The following RTTN variants were observed in gnomAD, a reference collection of about 807,000 sequenced individuals.
The protein encoded by RTTN is rotatin.
A neutral mutation model predicts 269.2 loss-of-function variants in RTTN; 182 were observed. The observed-to-expected ratio is 0.68, with a 90% CI of 0.60 to 0.76. The LOEUF (loss-of-function observed/expected upper bound fraction) is 0.76, where lower values mean the gene tolerates loss of function less well. RTTN is among the 30% of genes least tolerant of loss of function. The probability of loss-of-function intolerance (pLI) is 0.00; values close to 1 mark genes in which losing one functional copy is unlikely to be tolerated. For synonymous variants in RTTN, 1,006 were observed against 963.5 expected, an observed-to-expected ratio of 1.04 and a Z score of -0.82; for missense variants, 2,545 against 2,608.6, an observed-to-expected ratio of 0.98 and a Z score of 0.53.
At chr18:70,053,055 A>C (rs1306258365) in intron 38 of RTTN, among the ~76,000 whole-genome samples, 1 of 152,220 alleles carries the variant, frequency 6.6e-6, no homozygotes, top group Non-Finnish European at 1.5e-5. Context: ...ACCTTTTGCT[A>C]TATGACCTTG....
intron 29 of RTTN, 149 bp from the exon 30 acceptor site, chr18:70,092,369 C>A: frequency 1.5e-6 from 1 of 654,604 alleles, no homozygotes. Context: ...AAAAGGCAAA[C>A]AAAAAAATTT....
At chr18:70,192,644 T>G (rs1024861993) in intron 8 of RTTN, among the ~76,000 whole-genome samples, 6 of 127,990 alleles carry the variant, frequency 4.7e-5, no homozygotes, top group African/African-American at 1.8e-4. Flanking sequence ...CACTCCAGCC[T>G]AGGCAAGAGA....
At position 70,109,504 on chromosome 18, in the gene RTTN, G is replaced by A. The variant is rs1432719194; in HGVS notation, c.3897C>T (p.Leu1299=). 2 of 1,613,410 alleles carry A rather than the reference G, an allele frequency of 1.2e-6. No homozygotes were observed. Among genetic ancestry groups the A allele is most frequent in the South Asian group, 1.1e-5 (1 of 91,036 alleles). Residue 1299 remains leucine (L), a synonymous_variant, in exon 28 of 49, where the codon CTC becomes CTT. Coordinates refer to ENST00000640769, the MANE Select transcript of RTTN (RefSeq NM_173630.4). ...LDICVKYLSG[L]LEVITSFYVE... is the part of the protein sequence containing the mutation. The stretch of plus-strand genomic sequence containing the variant: ...ATATGCTATTTTTACTTACCTCAAG[G>A]AGACCTGACAAGTACTTCACACAGA...
intron 36 of RTTN, among the ~76,000 whole-genome samples, chr18:70,058,321 A>C (rs1195745992): frequency 6.6e-6 from 1 of 152,186 alleles, no homozygotes; most frequent in Non-Finnish European, 1.5e-5. Context: ...GTTCAAGACC[A>C]GCCTGGTGAA....
chr18:70,011,966 G>A (rs35646956), intron 46 of RTTN, among the ~76,000 whole-genome samples: 11 of 149,742 alleles, frequency 7.3e-5, no homozygotes, highest in South Asian at 2.1e-4. Flanking sequence ...ACAGGGCAGC[G>A]TCTGCTCACT....
chr18:70,012,524 T>C (rs1396979345), intron 46 of RTTN, among the ~76,000 whole-genome samples: 1 of 151,096 alleles, frequency 6.6e-6, no homozygotes, highest in African/African-American at 2.4e-5. Context: ...CAGGGCAGCG[T>C]CTGCTCACTG....
chr18:70,192,620 T>C (rs2061698930), intron 8 of RTTN, among the ~76,000 whole-genome samples: 2 of 138,184 alleles, frequency 1.4e-5, no homozygotes, highest in African/African-American at 2.7e-5. Context: ...GTCAAGGCTA[T>C]AATCGTGCCA....
Position 70,188,141 on chromosome 18 carries a change from G to C in RTTN, c.1272C>G (p.Ile424Met), listed in dbSNP as rs767247880. The change falls in exon 10 of 49, where the codon ATC (isoleucine) becomes ATG (methionine). Residue 424 changes from isoleucine to methionine, a missense_variant. Transcript: ENST00000640769. ...TACCAAAAAGGCTGCTGTCATCCCA[G>C]ATATCTGTTGAAATTGCTTCACCAA... is the stretch of plus-strand genomic sequence containing the variant. The part of the protein sequence containing the change: ...TLIGEAISTD[I>M]WDDSSLFGID... The C allele has an allele frequency of 3.5e-5, 57 of 1,608,516 alleles. No homozygotes were observed. Among genetic ancestry groups the C allele is most frequent in the Non-Finnish European group, 4.6e-5 (54 of 1,175,336 alleles).
At chr18:70,018,136 G>GT in intron 45 of RTTN, among the ~76,000 whole-genome samples, 1 of 152,152 alleles carries the variant, frequency 6.6e-6, no homozygotes, top group Non-Finnish European at 1.5e-5. Context: ...TGTTGTTGTT[G>GT]TTTTTATCAA....
intron 30 of RTTN, among the ~76,000 whole-genome samples, chr18:70,088,971 C>T (rs572587770): frequency 3.9e-5 from 6 of 152,240 alleles, no homozygotes; most frequent in Admixed American, 3.9e-4. Flanking sequence ...TTATATGACA[C>T]TTAAGTGTTG....
At chr18:70,101,319 C>T (rs1367095205) in intron 28 of RTTN, among the ~76,000 whole-genome samples, 1 of 152,144 alleles carries the variant, frequency 6.6e-6, no homozygotes, top group Admixed American at 6.5e-5. Context: ...GTGTATGTGT[C>T]CAGAAATTTA....
chr18:70,049,615 T>C (rs931392696), intron 39 of RTTN, among the ~76,000 whole-genome samples: 8 of 152,176 alleles, frequency 5.3e-5, no homozygotes, highest in African/African-American at 1.7e-4. Context: ...TCAGTTGAAT[T>C]AGCAGGTACT....
intron 26 of RTTN, among the ~76,000 whole-genome samples, chr18:70,115,631 T>C (rs11151566): frequency 0.73 from 110,242 of 151,874 alleles, 46,733 homozygotes; most frequent in East Asian, 1. Context: ...GGTTAAATAA[T>C]TGTCTAAGTC....
chr18:70,026,159 C>G (rs1020571727), intron 43 of RTTN, among the ~76,000 whole-genome samples: 1 of 152,144 alleles, frequency 6.6e-6, no homozygotes, highest in African/African-American at 2.4e-5. Context: ...CTATTGAGGC[C>G]GCTTCTACTT....
At position 70,139,666 on chromosome 18, in the gene RTTN, T is replaced by A. The variant is rs1370145179; in HGVS notation, c.2721A>T (p.Leu907Phe). 1 of 1,613,466 alleles carries A rather than the reference T, an allele frequency of 6.2e-7. No homozygotes were observed. The highest frequency in any genetic ancestry group is 8.5e-7 in the Non-Finnish European group (1 of 1,179,638). Residue 907 changes from leucine to phenylalanine, a missense_variant, in exon 21 of 49, where the codon TTA (leucine) becomes TTT (phenylalanine). Transcript: ENST00000640769. Reference sequence around the variant, plus strand: ...AAACACGCATGACTGGATCACCACATAAAACCTTCCTCAAGAGTGTGAGGC... The same window carrying A: ...AAACACGCATGACTGGATCACCACAAAAAACCTTCCTCAAGAGTGTGAGGC... Reference protein sequence around the residue: ...QPCLTLLRKVLCGDPVMRVSL... With the variant: ...QPCLTLLRKVFCGDPVMRVSL...
chr18:70,154,935 C>T (rs1205072119), intron 14 of RTTN, among the ~76,000 whole-genome samples: 3 of 152,126 alleles, frequency 2.0e-5, no homozygotes, highest in Non-Finnish European at 4.4e-5. Context: ...CAAATATCTA[C>T]TCATATTAGT....
chr18:70,121,793 G>A, intron 25 of RTTN, 93 bp from the exon 26 acceptor site: 3 of 1,188,086 alleles, frequency 2.5e-6, no homozygotes, highest in Middle Eastern at 2.4e-4. Flanking sequence ...CAGATGTCTT[G>A]TGAGGATGCT....
At chr18:70,122,706 G>T (rs564556615) in intron 25 of RTTN, among the ~76,000 whole-genome samples, 79 of 152,228 alleles carry the variant, frequency 5.2e-4, no homozygotes, top group Non-Finnish European at 1.0e-3. Context: ...TAGTAATGTG[G>T]TGTTTGTCTC....
At chr18:70,056,913 T>C (rs1256797248) in intron 37 of RTTN, among the ~76,000 whole-genome samples, 1 of 152,194 alleles carries the variant, frequency 6.6e-6, no homozygotes, top group Non-Finnish European at 1.5e-5. Context: ...TTTGTTTTAT[T>C]CACTTGGAGA....
Sources: gnomAD v4.1 joint callset for allele counts (sites outside exome capture counted in the v4.1 genomes callset) on GRCh38, gnomAD v4.1.1 for gene constraint, MANE v1.5 for transcripts, NCBI Gene and HGNC (gene_info 2026-07-23, HGNC 2026-07-21) for gene names.